CAND1: variants seen among roughly 807,000 people sequenced by gnomAD.
The protein encoded by CAND1 is cullin associated and neddylation dissociated 1.
A neutral mutation model predicts 108.5 loss-of-function variants in CAND1; 7 were observed. The observed-to-expected ratio is 0.06, with a 90% CI of 0.04 to 0.12. The LOEUF (loss-of-function observed/expected upper bound fraction) is 0.12, where lower values mean the gene tolerates loss of function less well. CAND1 is among the 10% of genes least tolerant of loss of function. CAND1 has a pLI of 1.00. For synonymous variants in CAND1, 534 were observed against 512.0 expected, an observed-to-expected ratio of 1.04 and a Z score of -0.58; for missense variants, 941 against 1,448.7, an observed-to-expected ratio of 0.65 and a Z score of 5.69.
intron 11 of CAND1, among the ~76,000 whole-genome samples, chr12:67,308,538 A>T (rs1044561498): frequency 6.6e-6 from 1 of 152,070 alleles, no homozygotes; most frequent in African/African-American, 2.4e-5. Flanking sequence ...TGATACAGTT[A>T]CTCAGCCAGG....
At chr12:67,302,283 T>G in intron 7 of CAND1, 40 bp from the exon 8 acceptor site, 1 of 1,536,676 alleles carries the variant, frequency 6.5e-7, no homozygotes, top group Non-Finnish European at 8.9e-7. Context: ...TATACTTCTC[T>G]TGTCATTAAT....
rs1434437717 is a variant in CAND1 at position 67,269,600 on chromosome 12, C to G, written c.-118C>G. ...AGTCAGCGTCGGCGTCGCGCTGCGACCCTGGAAGCGGGAGCCGCCGCGAGC... is the reference window on the plus strand; with the variant it reads ...AGTCAGCGTCGGCGTCGCGCTGCGAGCCTGGAAGCGGGAGCCGCCGCGAGC... On this transcript the variant is annotated 5_prime_UTR_variant, in exon 1 of 15. Coordinates refer to ENST00000545606, the MANE Select transcript of CAND1 (RefSeq NM_018448.5). 6.0e-6 allele frequency: 5 copies of G among 829,702 alleles called. No individual in the cohort carries two copies. The highest frequency in any genetic ancestry group is 1.8e-5 in the African/African-American group (1 of 54,222). The allele number at this position is 829,702 out of a possible 1,614,324, so 51.4% of individuals were successfully genotyped here. A position where few individuals can be genotyped will look rare whatever the true frequency, so the allele number is the denominator to read the frequency against.
At chr12:67,274,349 GT>G (rs1460100875) in intron 1 of CAND1, among the ~76,000 whole-genome samples, 1 of 152,234 alleles carries the variant, frequency 6.6e-6, no homozygotes, top group Non-Finnish European at 1.5e-5. Context: ...GAAGATTCAT[GT>G]CCATGGAGAG....
At position 67,302,386 on chromosome 12, in the gene CAND1, A is replaced by T; in HGVS notation, c.1064A>T (p.Lys355Met). The T allele has an allele frequency of 6.2e-7, 1 of 1,614,144 alleles. No individual in the cohort carries two copies. The highest frequency in any genetic ancestry group is 8.5e-7 in the Non-Finnish European group (1 of 1,179,976). Residue 355 changes from lysine (K) to methionine (M), a missense_variant, in exon 8 of 15, where the codon AAG becomes ATG. Transcript: ENST00000545606. ...TGGAAAGTGAGACGTGCAGCTGCGA[A>T]GTGCTTGGATGCTGTAGTTAGCACA... ...MSWKVRRAAA[K>M]CLDAVVSTRH...
rs780001996 is a variant in CAND1, at chr12:67,305,091, G to T, written c.1436-13G>T. The T allele has an allele frequency of 1.3e-6, 2 of 1,596,334 alleles. No homozygotes were observed. The highest frequency in any genetic ancestry group is 3.5e-5 in the Admixed American group (2 of 57,232). ...CTGCACAGCAATGATTGGATTTTTTGTTGGCTTTTTAGGAATCATTTTCTC... is the reference window on the plus strand; with the variant it reads ...CTGCACAGCAATGATTGGATTTTTTTTTGGCTTTTTAGGAATCATTTTCTC... On this transcript the variant is annotated splice_polypyrimidine_tract_variant and intron_variant, in intron 9 of 14. Coordinates refer to ENST00000545606, the MANE Select transcript of CAND1 (RefSeq NM_018448.5). The surrounding 1 kb of genome is among the most constrained non-coding windows in gnomAD (Gnocchi z 4.4).
At chr12:67,296,237 A>G (rs934618423) in intron 4 of CAND1, among the ~76,000 whole-genome samples, 1 of 152,022 alleles carries the variant, frequency 6.6e-6, no homozygotes, top group Non-Finnish European at 1.5e-5. Context: ...AGGTTTGGGT[A>G]GTAGTGACTC....
chr12:67,284,365 AC>A (rs1483019866), intron 2 of CAND1, among the ~76,000 whole-genome samples: 1 of 148,898 alleles, frequency 6.7e-6, no homozygotes, highest in African/African-American at 2.6e-5. Flanking sequence ...ACATACTGTG[AC>A]TAAGATTTTA....
Position 67,304,623 on chromosome 12 carries a change from G to A in CAND1, c.1312G>A (p.Ala438Thr). The change falls in exon 9 of 15, where the codon GCT becomes ACT. Residue 438 changes from alanine to threonine, a missense_variant. This residue lies in a region of CAND1 where 697 missense variants were observed against 942.0 expected (regional missense o/e 0.74). Coordinates refer to ENST00000545606, the MANE Select transcript of CAND1 (RefSeq NM_018448.5). ...LQSQVPNIVK[A>T]LHKQMKEKSV... ...ATTGCAGGTTCCCAACATTGTTAAA[G>A]CTCTTCACAAACAGATGAAAGAAAA... 6.2e-7 allele frequency: 1 copy of A among 1,613,536 alleles called. No individual in the cohort carries two copies. Among genetic ancestry groups the A allele is most frequent in the Non-Finnish European group, 8.5e-7 (1 of 1,179,862 alleles).
At chr12:67,278,357 A>T (rs1038588990) in intron 1 of CAND1, among the ~76,000 whole-genome samples, 2 of 152,032 alleles carry the variant, frequency 1.3e-5, no homozygotes, top group African/African-American at 4.8e-5. Flanking sequence ...GGGTTTCACC[A>T]TGTTGTCCAG....
At chr12:67,274,046 C>T (rs566580029) in intron 1 of CAND1, among the ~76,000 whole-genome samples, 1 of 152,072 alleles carries the variant, frequency 6.6e-6, no homozygotes, top group Non-Finnish European at 1.5e-5. Flanking sequence ...CTCTTTACCC[C>T]CAGAACATGA....
chr12:67,284,448 T>C (rs1021684956), intron 2 of CAND1, among the ~76,000 whole-genome samples: 1 of 152,150 alleles, frequency 6.6e-6, no homozygotes, highest in African/African-American at 2.4e-5. Context: ...GAAAAAACTA[T>C]CTGGTTAGTT....
chr12:67,307,565 C>A, intron 11 of CAND1, 73 bp downstream of exon 11: 1 of 872,926 alleles, frequency 1.1e-6, no homozygotes, highest in South Asian at 1.5e-5. Flanking sequence ...AACTTAGTAA[C>A]TAGAAATATC....
rs974633574 is a variant in CAND1 at position 67,319,529 on chromosome 12, C to G, written c.*6699C>G. On this transcript the variant is annotated 3_prime_UTR_variant, in exon 15 of 15. Transcript: ENST00000545606. ...TGGAACCTGACTCCATTTTCAGGCACGTAATATTGTCAAATTCCTTTTAAA... is the reference window on the plus strand; with the variant it reads ...TGGAACCTGACTCCATTTTCAGGCAGGTAATATTGTCAAATTCCTTTTAAA... 6.6e-6 allele frequency: 1 copy of G among 152,104 alleles called. No individual in the cohort carries two copies. The highest frequency in any genetic ancestry group is 2.1e-4 in the South Asian group (1 of 4,832). The allele number at this position is 152,104 out of a possible 1,614,324, so 9.4% of individuals were successfully genotyped here.
chr12:67,285,491 A>G (rs1380841688), intron 2 of CAND1, among the ~76,000 whole-genome samples: 2 of 152,186 alleles, frequency 1.3e-5, no homozygotes, highest in Non-Finnish European at 2.9e-5. Flanking sequence ...AGGTAGAACA[A>G]TTGCTGAAGG....
Position 67,309,989 on chromosome 12 carries a change from A to T in CAND1, c.3114A>T (p.Pro1038=), listed in dbSNP as rs149191897. The change falls in exon 12 of 15, where the codon CCA becomes CCT. Residue 1038 remains proline (P), a synonymous_variant. Coordinates refer to ENST00000545606, the MANE Select transcript of CAND1 (RefSeq NM_018448.5). ...VTFNSAAHNK[P]SLIRDLLDTV... The stretch of plus-strand genomic sequence containing the variant: ...TTAATTCAGCAGCACATAACAAGCC[A>T]TCATTAATAAGGGATCTATTGGATA... 3.0e-4 allele frequency: 480 copies of T among 1,612,336 alleles called. No homozygotes were observed. Among genetic ancestry groups the T allele is most frequent in the Admixed American group, 8.8e-4 (53 of 59,984 alleles).
chr12:67,293,857 G>A (rs1480325500), intron 3 of CAND1, among the ~76,000 whole-genome samples: 1 of 152,192 alleles, frequency 6.6e-6, no homozygotes, highest in Non-Finnish European at 1.5e-5. Context: ...GCTAAAGGCT[G>A]CATACGTAAA....
intron 1 of CAND1, among the ~76,000 whole-genome samples, chr12:67,275,863 A>G (rs1217323664): frequency 6.6e-6 from 1 of 152,178 alleles, no homozygotes; most frequent in Non-Finnish European, 1.5e-5. Flanking sequence ...TGAATAAAGG[A>G]ATGAGATGGC....
At chr12:67,280,202 A>T (rs1380010599) in intron 1 of CAND1, among the ~76,000 whole-genome samples, 1 of 152,228 alleles carries the variant, frequency 6.6e-6, no homozygotes, top group African/African-American at 2.4e-5. Flanking sequence ...ACGTGGTAAG[A>T]ATTAAACTAT....
chr12:67,304,268 G>A (rs917142704), intron 8 of CAND1, among the ~76,000 whole-genome samples: 3 of 152,260 alleles, frequency 2.0e-5, no homozygotes, highest in Admixed American at 1.3e-4. Flanking sequence ...GATTACAGGC[G>A]TGAGCCACTG....
Sources: allele counts gnomAD v4.1 joint callset (sites outside exome capture counted in the v4.1 genomes callset), GRCh38; gene constraint gnomAD v4.1.1; regional missense constraint gnomAD v4.1.1; non-coding constraint Gnocchi (gnomAD v3.1); transcripts MANE v1.5; gene names NCBI Gene and HGNC (gene_info 2026-07-23, HGNC 2026-07-21).